Variants in CENPK observed in about 807,000 individuals in gnomAD.
CENPK encodes the protein SoxLZ/Sox6-binding protein Solt.
A neutral mutation model predicts 40.9 loss-of-function variants in CENPK; 46 were observed. That is an observed-to-expected ratio of 1.13 (90% CI 0.89 to 1.44). The LOEUF is 1.44. Ranked by LOEUF, CENPK falls within the 40% of genes most tolerant of loss-of-function variation. The pLI is 0.00. For missense variants in CENPK, 288 were observed against 303.5 expected, an observed-to-expected ratio of 0.95 and a Z score of 0.38; for synonymous variants, 107 against 104.4, an observed-to-expected ratio of 1.02 and a Z score of -0.15.
intron 6 of CENPK, among the ~76,000 whole-genome samples, chr5:65,534,585 C>T (rs944238515): frequency 2.6e-5 from 4 of 152,090 alleles, no homozygotes; most frequent in Admixed American, 2.6e-4. Context: ...TACACATATA[C>T]ATGGTCATTA....
the CENPK span, among the ~76,000 whole-genome samples, chr5:65,499,778 AT>A: frequency 9.0e-6 from 1 of 110,996 alleles, no homozygotes; most frequent in Non-Finnish European, 1.8e-5. Context: ...CTAACGTGTC[AT>A]CTAGCATTAG....
At chr5:65,503,740 C>G in the CENPK span, among the ~76,000 whole-genome samples, 8 of 151,414 alleles carry the variant, frequency 5.3e-5, no homozygotes, top group Admixed American at 2.0e-4. Flanking sequence ...TCACTGTAAC[C>G]TCTGCCTCCT....
intron 2 of CENPK, among the ~76,000 whole-genome samples, chr5:65,558,444 G>A (rs1346858827): frequency 6.6e-6 from 1 of 152,036 alleles, no homozygotes; most frequent in Admixed American, 6.6e-5. Context: ...GATGCAGGTA[G>A]GTAAGTAGAC....
At chr5:65,520,510 T>C (rs1304902092) in intron 10 of CENPK, among the ~76,000 whole-genome samples, 4 of 151,286 alleles carry the variant, frequency 2.6e-5, no homozygotes, top group Non-Finnish European at 5.9e-5. Flanking sequence ...CAATTTTTAT[T>C]AAAAAAAAAG....
At chr5:65,537,082 T>A (rs560783236) in intron 6 of CENPK, among the ~76,000 whole-genome samples, 1 of 152,306 alleles carries the variant, frequency 6.6e-6, no homozygotes, top group South Asian at 2.1e-4. Flanking sequence ...AACAGCACCA[T>A]GCTCTTAGAT....
In CENPK at chr5:65,561,564, C is replaced by A; in HGVS notation, c.-141G>T. ...AGATCTTGAATCTCCAGCCTCTAGA[C>A]CTGTGAGAAATAAATTTCAGTTGTT... On this transcript the variant is annotated splice_region_variant and 5_prime_UTR_variant, in exon 2 of 11. Transcript: ENST00000396679. 3 of 450,774 alleles carry A rather than the reference C, an allele frequency of 6.7e-6. No homozygotes were observed. Among genetic ancestry groups the A allele is most frequent in the South Asian group, 4.7e-5 (3 of 64,154 alleles). 27.9% of individuals were successfully genotyped at this position (450,774 alleles called of 1,614,324 possible).
At chr5:65,526,864 G>C (rs1471408203) in intron 9 of CENPK, among the ~76,000 whole-genome samples, 2 of 152,134 alleles carry the variant, frequency 1.3e-5, no homozygotes, top group Non-Finnish European at 2.9e-5. Context: ...AGGCTGAGGT[G>C]GGCGGATCAA....
the CENPK span, among the ~76,000 whole-genome samples, chr5:65,506,037 C>T: frequency 6.6e-6 from 1 of 152,122 alleles, no homozygotes; most frequent in African/African-American, 2.4e-5. Flanking sequence ...GTAATTAATT[C>T]AATTTCATAA....
At chr5:65,532,032 A>G (rs541947551) in intron 6 of CENPK, among the ~76,000 whole-genome samples, 2 of 152,320 alleles carry the variant, frequency 1.3e-5, no homozygotes, top group East Asian at 3.9e-4. Flanking sequence ...GGAGAGAAGG[A>G]CATAAATCAC....
At chr5:65,520,229 C>A (rs1034450139) in intron 10 of CENPK, among the ~76,000 whole-genome samples, 1 of 152,098 alleles carries the variant, frequency 6.6e-6, no homozygotes, top group African/African-American at 2.4e-5. Flanking sequence ...CCCTCTTGCT[C>A]CCACTCTGGC....
downstream of CENPK, among the ~76,000 whole-genome samples, chr5:65,513,551 ACT>A (rs1325531435): frequency 6.6e-6 from 1 of 151,048 alleles, no homozygotes; most frequent in Non-Finnish European, 1.5e-5. Flanking sequence ...CTCTCTCTCT[ACT>A]CTCTTTTGGT....
At chr5:65,541,318 T>C (rs1465170869) in intron 6 of CENPK, 6 of 450,318 alleles carry the variant, frequency 1.3e-5, no homozygotes, top group Admixed American at 1.2e-4. Context: ...GTCAGGCATG[T>C]GGGACTGAGC....
the CENPK span, among the ~76,000 whole-genome samples, chr5:65,504,029 G>GCAAACA: frequency 5.1e-4 from 77 of 151,898 alleles, no homozygotes; most frequent in Non-Finnish European, 9.1e-4. Context: ...CTGTCCTGAA[G>GCAAACA]CAAACACAAC....
chr5:65,552,655 A>G, intron 3 of CENPK, 106 bp from the exon 4 acceptor site: 1 of 565,648 alleles, frequency 1.8e-6, no homozygotes, highest in African/African-American at 1.9e-5. Context: ...TCTAAAGCAC[A>G]AACATCTGAT....
chr5:65,515,369 A>G (rs142944023), downstream of CENPK, among the ~76,000 whole-genome samples: 916 of 151,742 alleles, frequency 6.0e-3, 8 homozygotes, highest in African/African-American at 0.02. Flanking sequence ...CGCCCGGCTA[A>G]TTTTTTATAT....
At chr5:65,499,397 T>C in the CENPK span, among the ~76,000 whole-genome samples, 1 of 151,652 alleles carries the variant, frequency 6.6e-6, no homozygotes, top group Admixed American at 6.6e-5. Flanking sequence ...GTCCTCCCAA[T>C]TGTTTTTCCC....
the CENPK span, among the ~76,000 whole-genome samples, chr5:65,510,728 A>AC: frequency 2.0e-5 from 3 of 151,132 alleles, no homozygotes; most frequent in African/African-American, 7.3e-5. Flanking sequence ...GTGAGCCGAG[A>AC]TTGTGCCACT....
At chr5:65,562,319 A>G (rs1752131022) in intron 1 of CENPK, among the ~76,000 whole-genome samples, 1 of 152,168 alleles carries the variant, frequency 6.6e-6, no homozygotes, top group Non-Finnish European at 1.5e-5. Flanking sequence ...ACACAAAAGA[A>G]AGTAGTCTGA....
intron 3 of CENPK, among the ~76,000 whole-genome samples, chr5:65,552,809 T>C (rs1349334397): frequency 3.3e-5 from 5 of 149,560 alleles, no homozygotes; most frequent in Non-Finnish European, 7.4e-5. Flanking sequence ...TAGAATGAAT[T>C]ATAAGTCAGA....
Sources: gnomAD v4.1 joint callset for allele counts (sites outside exome capture counted in the v4.1 genomes callset) on GRCh38, gnomAD v4.1.1 for gene constraint, MANE v1.5 for transcripts, NCBI Gene and HGNC (gene_info 2026-07-23, HGNC 2026-07-21) for gene names.